Variants in SPTA1 observed in about 807,000 individuals in gnomAD.
The protein encoded by SPTA1 is spectrin alpha, erythrocytic 1, also known as spectrin alpha chain, erythrocytic 1.
A neutral mutation model predicts 324.7 loss-of-function variants in SPTA1; 177 were observed. That is an observed-to-expected ratio of 0.55 (90% confidence interval 0.48 to 0.62). SPTA1 has a LOEUF of 0.62. Among genes scored for constraint, SPTA1 ranks in the 20% least tolerant of loss-of-function variants. The pLI, the probability that SPTA1 is intolerant of heterozygous loss-of-function variation, is 0.00. For missense variants in SPTA1, 3,162 were observed against 2,883.6 expected (o/e 1.10, Z -2.21); for synonymous variants, 1,195 against 1,041.3 (o/e 1.15, Z -2.84).
chr1:158,664,443 C>A (rs1653451163), intron 16 of SPTA1, among the ~76,000 whole-genome samples: 2 of 152,276 alleles, frequency 1.3e-5, no homozygotes, highest in South Asian at 4.1e-4. Context: ...AAGCCAAACA[C>A]CGCATGTTCT....
At chr1:158,640,077 A>C in intron 33 of SPTA1, 70 bp from the exon 34 acceptor site, 1 of 1,609,576 alleles carries the variant, frequency 6.2e-7, no homozygotes, top group Non-Finnish European at 8.5e-7. Flanking sequence ...TTGAGAGAAT[A>C]ATGTAGGAAG....
In SPTA1 at chr1:158,635,190, G is replaced by A. The variant is rs550576355; in HGVS notation, c.5433-515C>T. On this transcript the variant is annotated intron_variant, in intron 38 of 51. Transcript: ENST00000643759. ...TCTCATCTTGAACTGTAATCCCTAT[G>A]TATCAGGGGAGGGGCCTGGTGGGAG... is the stretch of plus-strand genomic sequence containing the variant. Among the ~76,000 whole-genome samples the A allele has an allele frequency of 3.3e-5, 5 of 152,256 alleles. No individual in the cohort carries two copies. The East Asian group carries it at 9.7e-4, about 29-fold the overall frequency.
intron 19 of SPTA1, among the ~76,000 whole-genome samples, 198 bp downstream of exon 19, chr1:158,657,279 A>C (rs1652897901): frequency 1.3e-5 from 2 of 152,192 alleles, no homozygotes. Context: ...CCATGGGATG[A>C]GAAAAATGTA....
chr1:158,644,140 A>C, intron 30 of SPTA1, 113 bp downstream of exon 30: 1 of 1,457,406 alleles, frequency 6.9e-7, no homozygotes, highest in South Asian at 1.2e-5. Context: ...CCATCTCAAA[A>C]AAAAAAAAAG....
rs1159721750 is a variant in SPTA1, at chr1:158,639,810, C to T, written c.4875+60G>A. On this transcript the variant is annotated intron_variant, in intron 34 of 51. Transcript: ENST00000643759. The stretch of plus-strand genomic sequence containing the variant: ...CAAGGAAATTGCCCATGGGTAAATT[C>T]ATTTGTCTGACAAGTATGTATTAAA... The T allele has an allele frequency of 7.4e-6, 12 of 1,613,254 alleles. No homozygotes were observed. In the Admixed American group the frequency reaches 2.0e-4, roughly 27 times the overall value.
rs1649821502 is a variant in SPTA1 at position 158,620,273 on chromosome 1, A to G, written c.6314T>C (p.Leu2105Pro). 1 of 1,614,014 alleles carries G rather than the reference A, an allele frequency of 6.2e-7. No homozygotes were observed. The highest frequency in any genetic ancestry group is 1.7e-5 in the Admixed American group (1 of 60,004). Residue 2105 changes from leucine to proline, a missense_variant, in exon 44 of 52, where the codon CTA becomes CCA. Physicochemically the swap from Leu to Pro is moderately conservative, Grantham distance 98. Coordinates refer to ENST00000643759, the MANE Select transcript of SPTA1 (RefSeq NM_003126.4). ...ACCTAAGGCCTTAATCTGCTGGTCT[A>G]GCTCCAGCAAACATTTAAAGTCTGC... ...AQADFKCLLE[L>P]DQQIKALGVP...
intron 4 of SPTA1, 77 bp downstream of exon 4, chr1:158,681,450 T>C: frequency 6.2e-7 from 1 of 1,605,412 alleles, no homozygotes; most frequent in Non-Finnish European, 8.5e-7. Context: ...TTGTGAGTAG[T>C]CTGCAGTAAT....
In SPTA1 at chr1:158,626,825, C is replaced by A. The variant is rs1447292343; in HGVS notation, c.5833+14G>T. On this transcript the variant is annotated intron_variant, in intron 41 of 51. Coordinates refer to ENST00000643759, the MANE Select transcript of SPTA1 (RefSeq NM_003126.4). ...TTCTCAAACCCAAGGGACCCTGAAC[C>A]TGACACATCATACCTATCCAAGCCT... 6.2e-7 allele frequency: 1 copy of A among 1,613,326 alleles called. No individual in the cohort carries two copies. Among genetic ancestry groups the A allele is most frequent in the African/African-American group, 1.3e-5 (1 of 74,884 alleles).
At chr1:158,651,551 C>A in intron 23 of SPTA1, 83 bp from the exon 24 acceptor site, 1 of 881,502 alleles carries the variant, frequency 1.1e-6, no homozygotes, top group South Asian at 1.3e-5. Flanking sequence ...CCATACTTAC[C>A]TGTCCATCTC....
chr1:158,654,020 A>G (rs1159555470), intron 21 of SPTA1, among the ~76,000 whole-genome samples: 2 of 152,292 alleles, frequency 1.3e-5, no homozygotes, highest in Admixed American at 1.3e-4. Flanking sequence ...CCAAACATTT[A>G]CTTGTCTTTG....
chr1:158,636,738 G>C lies in SPTA1; in HGVS notation c.5213C>G (p.Ser1738Cys). The C allele has an allele frequency of 1.2e-6, 2 of 1,614,090 alleles. No individual in the cohort carries two copies. Among genetic ancestry groups the C allele is most frequent in the Non-Finnish European group, 1.7e-6 (2 of 1,180,004 alleles). ...CTGAAGATCTCTCCCATAGTCCTGG[G>C]AGCTCACTCGTATCAACTTCTCCCT... Reference protein sequence around the residue: ...WIEEKLIRVSSQDYGRDLQGV... With the variant: ...WIEEKLIRVSCQDYGRDLQGV... Residue 1738 changes from serine (S) to cysteine (C), a missense_variant, in exon 37 of 52, where the codon TCC becomes TGC. Physicochemically the swap from Ser to Cys is moderately radical, Grantham distance 112 (BLOSUM62 -1). Transcript: ENST00000643759.
chr1:158,642,986 G>C lies in SPTA1; in HGVS notation c.4443-10C>G. 1 of 1,613,288 alleles carries C rather than the reference G, an allele frequency of 6.2e-7. No individual in the cohort carries two copies. On this transcript the variant is annotated splice_polypyrimidine_tract_variant and intron_variant, in intron 31 of 51. Coordinates refer to ENST00000643759, the MANE Select transcript of SPTA1 (RefSeq NM_003126.4). ...TTTGAGAGCCTTCCACCTAGAGGAC[G>C]GAGCCAAATCACTCTATGCCCTCCT...
chr1:158,644,178 A>C, intron 30 of SPTA1, 75 bp downstream of exon 30: 2 of 1,580,840 alleles, frequency 1.3e-6, no homozygotes, highest in Non-Finnish European at 1.7e-6. Flanking sequence ...AAATTATAAA[A>C]CCAGACAAAT....
intron 27 of SPTA1, 125 bp downstream of exon 27, chr1:158,647,414 T>C (rs1652077005): frequency 8.2e-7 from 1 of 1,220,164 alleles, no homozygotes; most frequent in Non-Finnish European, 1.2e-6. Flanking sequence ...TTTTATGCCT[T>C]GCAAGAGGTG....
At chr1:158,662,133 G>A (rs904922676) in intron 17 of SPTA1, among the ~76,000 whole-genome samples, 1 of 152,056 alleles carries the variant, frequency 6.6e-6, no homozygotes, top group Non-Finnish European at 1.5e-5. Context: ...AGTTTTCCCA[G>A]ACTAAACCTT....
intron 44 of SPTA1, 91 bp downstream of exon 44, chr1:158,620,079 G>A: frequency 6.8e-7 from 1 of 1,476,684 alleles, no homozygotes; most frequent in Non-Finnish European, 9.5e-7. Flanking sequence ...TATTAATAGT[G>A]TTCCTTCTAT....
Position 158,685,566 on chromosome 1 carries a change from C to T in SPTA1, c.25-219G>A, listed in dbSNP as rs571757546. ...ATTCTTGATTATCCAGAAGACTCTC[C>T]TCACTTTTTACATAAATTTGTGCTA... On this transcript the variant is annotated intron_variant, in intron 1 of 51. Transcript: ENST00000643759. Among the ~76,000 whole-genome samples the T allele has an allele frequency of 1.6e-4, 24 of 152,200 alleles. No individual in the cohort carries two copies. In the South Asian group the frequency reaches 1.9e-3, roughly 12 times the overall value.
At chr1:158,652,872 G>A (rs1010974439) in intron 22 of SPTA1, among the ~76,000 whole-genome samples, 122 of 152,196 alleles carry the variant, frequency 8.0e-4, no homozygotes, top group African/African-American at 2.9e-3. Flanking sequence ...TAGTAAAAAT[G>A]CCAGTGACCC....
chr1:158,627,647 T>C lies in SPTA1; in HGVS notation c.5642A>G (p.Gln1881Arg). 6.2e-7 allele frequency: 1 copy of C among 1,613,586 alleles called. No individual in the cohort carries two copies. Among genetic ancestry groups the C allele is most frequent in the Non-Finnish European group, 8.5e-7 (1 of 1,179,752 alleles). The change falls in exon 40 of 52, where the codon CAA becomes CGA. Residue 1881 changes from glutamine (Q) to arginine (R), a missense_variant. Gln to Arg is a conservative substitution (Grantham distance 43, BLOSUM62 1). Transcript: ENST00000643759. Reference sequence around the variant, plus strand: ...CACCTTATTTAGGATGTCTTCTCCTTGTGCACACACATTTTGTACTCGGGT... The same window carrying C: ...CACCTTATTTAGGATGTCTTCTCCTCGTGCACACACATTTTGTACTCGGGT... ...HETRVQNVCA[Q>R]GEDILNKVLQ...
Sources: allele counts gnomAD v4.1 joint callset (sites outside exome capture counted in the v4.1 genomes callset), GRCh38; gene constraint gnomAD v4.1.1; transcripts MANE v1.5; gene names NCBI Gene and HGNC (gene_info 2026-07-23, HGNC 2026-07-21).